TUFT1: variants seen among roughly 807,000 people sequenced by gnomAD.
TUFT1 encodes tuftelin 1, also known as tuftelin.
A neutral mutation model predicts 57.8 loss-of-function variants in TUFT1; 43 were observed. The observed-to-expected ratio is 0.74, with a 90% confidence interval of 0.58 to 0.96. The LOEUF is 0.96. Among genes scored for constraint, TUFT1 ranks in the 40% least tolerant of loss-of-function variants. The pLI, the probability that TUFT1 is intolerant of heterozygous loss-of-function variation, is 0.00. For missense variants in TUFT1, 459 were observed against 489.0 expected (o/e 0.94, Z 0.58); for synonymous variants, 166 against 176.7 (o/e 0.94, Z 0.48).
chr1:151,572,940 A>G (rs1055569927), intron 7 of TUFT1, among the ~76,000 whole-genome samples: 9 of 152,168 alleles, frequency 5.9e-5, no homozygotes, highest in African/African-American at 2.2e-4. Context: ...CTTTTTTAAT[A>G]AATGATGAGC....
intron 9 of TUFT1, 33 bp from the exon 10 acceptor site, chr1:151,578,688 C>A (rs1403628759): frequency 6.6e-7 from 1 of 1,519,088 alleles, no homozygotes; most frequent in Non-Finnish European, 8.9e-7. Flanking sequence ...TGATCTTGTT[C>A]CATTGCCTCA....
At chr1:151,570,680 C>A (rs1368623563) in intron 7 of TUFT1, among the ~76,000 whole-genome samples, 2 of 152,108 alleles carry the variant, frequency 1.3e-5, no homozygotes, top group Admixed American at 6.6e-5. Flanking sequence ...CTAGAAAATT[C>A]TTTGAGTATA....
rs143119167 is a variant in TUFT1 at position 151,548,237 on chromosome 1, C to A, written c.60+7811C>A. On this transcript the variant is annotated intron_variant, in intron 1 of 12. Transcript: ENST00000368849. ...TTTGAGTTTATGGGACTTCCTTCAT[C>A]CTGATCACTTGGGTGCCATTGTTAC... is the stretch of plus-strand genomic sequence containing the variant. Among the ~76,000 whole-genome samples, 327 of 152,190 alleles carry A rather than the reference C, an allele frequency of 2.1e-3. 1 individual carries two copies. Among genetic ancestry groups the A allele is most frequent in the Non-Finnish European group, 1.9e-3 (129 of 68,010 alleles).
intron 4 of TUFT1, 28 bp downstream of exon 4, chr1:151,564,018 G>A (rs1481384223): frequency 1.3e-6 from 2 of 1,541,798 alleles, no homozygotes; most frequent in Admixed American, 1.9e-5. Context: ...CTCACGCAGT[G>A]CCTAGGTCAT....
intron 9 of TUFT1, 25 bp downstream of exon 9, chr1:151,575,030 G>A (rs990444432): frequency 6.5e-7 from 1 of 1,548,848 alleles, no homozygotes. Context: ...CTTGTTCACG[G>A]TGAAGTTGGG....
At chr1:151,550,067 G>A (rs1665461195) in intron 1 of TUFT1, among the ~76,000 whole-genome samples, 1 of 151,694 alleles carries the variant, frequency 6.6e-6, no homozygotes, top group Non-Finnish European at 1.5e-5. Context: ...TTTTATTATA[G>A]GAGTGTCACA....
intron 1 of TUFT1, chr1:151,557,865 G>A (rs1174951956): frequency 2.7e-6 from 2 of 736,054 alleles, no homozygotes; most frequent in Non-Finnish European, 5.0e-6. Context: ...GCAAAGCTGA[G>A]GCTGGGGCTG....
chr1:151,554,099 A>C (rs1665594828), intron 1 of TUFT1, among the ~76,000 whole-genome samples: 1 of 152,254 alleles, frequency 6.6e-6, no homozygotes, highest in South Asian at 2.1e-4. Context: ...AAAGTAGTAC[A>C]GAGAACTCTT....
chr1:151,578,501 G>A (rs1666549496), intron 9 of TUFT1, among the ~76,000 whole-genome samples: 1 of 152,062 alleles, frequency 6.6e-6, no homozygotes, highest in Admixed American at 6.6e-5. Context: ...GTAGAGGTGG[G>A]GTTTCACTAT....
In TUFT1 at chr1:151,574,409, G is replaced by T. The variant is rs1666376932; in HGVS notation, c.723+11G>T. ...CTAGGGATGGAGACGGTAACCGGGG[G>T]ATCTTGCTTGTCAGTGCCTGGACTC... is the stretch of plus-strand genomic sequence containing the variant. On this transcript the variant is annotated intron_variant, in intron 8 of 12. Transcript: ENST00000368849. 1 of 1,613,740 alleles carries T rather than the reference G, an allele frequency of 6.2e-7. No individual in the cohort carries two copies. The highest frequency in any genetic ancestry group is 8.5e-7 in the Non-Finnish European group (1 of 1,179,870).
chr1:151,553,851 T>A (rs1397001806), intron 1 of TUFT1, among the ~76,000 whole-genome samples: 1 of 152,200 alleles, frequency 6.6e-6, no homozygotes, highest in Non-Finnish European at 1.5e-5. Context: ...TTAGTCATTC[T>A]GATAGGTATT....
intron 8 of TUFT1, 128 bp downstream of exon 8, chr1:151,574,526 T>C: frequency 1.6e-6 from 2 of 1,227,992 alleles, no homozygotes; most frequent in Non-Finnish European, 1.1e-6. Context: ...CGCACCTTCC[T>C]TTGGCAGATC....
chr1:151,540,323 A>G lies in TUFT1; in HGVS notation c.-44A>G, dbSNP rs1011732080. On this transcript the variant is annotated 5_prime_UTR_variant, in exon 1 of 13. Transcript: ENST00000368849. ...CGCGCCCGCCCAGTTGGAGCCAGAC[A>G]GCGGGGTGGACAAGTGGCGTGTGTG... The G allele has an allele frequency of 1.9e-6, 3 of 1,613,508 alleles. No homozygotes were observed. The highest frequency in any genetic ancestry group is 1.3e-5 in the African/African-American group (1 of 75,052).
chr1:151,576,058 G>A (rs890180614), intron 9 of TUFT1, among the ~76,000 whole-genome samples: 1 of 152,192 alleles, frequency 6.6e-6, no homozygotes, highest in Non-Finnish European at 1.5e-5. Flanking sequence ...TTTGGGAATG[G>A]CAGTGACAGC....
intron 7 of TUFT1, among the ~76,000 whole-genome samples, chr1:151,573,154 G>C (rs937247044): frequency 2.6e-5 from 4 of 152,202 alleles, no homozygotes; most frequent in Non-Finnish European, 5.9e-5. Context: ...TGGGAGCTCT[G>C]GAAGTGTAAT....
intron 1 of TUFT1, among the ~76,000 whole-genome samples, chr1:151,552,773 G>A (rs1285179640): frequency 6.8e-6 from 1 of 146,122 alleles, no homozygotes; most frequent in African/African-American, 2.5e-5. Flanking sequence ...AGGTGACATA[G>A]GAACCTTCTG....
chr1:151,548,116 C>G (rs1665396223), intron 1 of TUFT1, among the ~76,000 whole-genome samples: 1 of 152,128 alleles, frequency 6.6e-6, no homozygotes, highest in African/African-American at 2.4e-5. Flanking sequence ...AAGGCAGGAC[C>G]ATGTACCTGA....
At chr1:151,564,291 T>C (rs918375885) in intron 4 of TUFT1, among the ~76,000 whole-genome samples, 2 of 152,218 alleles carry the variant, frequency 1.3e-5, no homozygotes, top group Non-Finnish European at 2.9e-5. Context: ...TTGGCACTTA[T>C]GCCCATATAA....
At chr1:151,541,942 C>A (rs181340768) in intron 1 of TUFT1, among the ~76,000 whole-genome samples, 956 of 152,308 alleles carry the variant, frequency 6.3e-3, no homozygotes, top group Non-Finnish European at 0.011. Flanking sequence ...CCTTGAACTC[C>A]TGGCCTCAAT....
Sources: allele counts gnomAD v4.1 joint callset (sites outside exome capture counted in the v4.1 genomes callset), GRCh38; gene constraint gnomAD v4.1.1; transcripts MANE v1.5; gene names NCBI Gene and HGNC (gene_info 2026-07-23, HGNC 2026-07-21).